LAP3: variants seen among roughly 807,000 people sequenced by gnomAD.
LAP3 encodes leucine aminopeptidase 3, also known as cytosol aminopeptidase.
LAP3 carries 46 observed loss-of-function variants against 58.8 expected under a neutral mutation model. The observed-to-expected ratio is 0.78, with a 90% CI of 0.62 to 1.00. The LOEUF (loss-of-function observed/expected upper bound fraction) is 1.00. Among genes scored for constraint, LAP3 ranks in the 50% least tolerant of loss-of-function variants. LAP3 has a pLI of 0.00. For synonymous variants in LAP3, 257 were observed against 237.7 expected (o/e 1.08, Z -0.75); for missense variants, 615 against 659.1 (o/e 0.93, Z 0.73).
At chr4:17,607,028 T>A in intron 12 of LAP3, 90 bp downstream of exon 12, 1 of 763,154 alleles carries the variant, frequency 1.3e-6, no homozygotes, top group Non-Finnish European at 2.1e-6. Flanking sequence ...TATAAAAGGT[T>A]TAACTATTTA....
At chr4:17,606,776 A>G (rs1714153666) in intron 11 of LAP3, 53 bp from the exon 12 acceptor site, 1 of 1,217,154 alleles carries the variant, frequency 8.2e-7, no homozygotes, top group Non-Finnish European at 1.2e-6. Context: ...AATGCCATGA[A>G]TTTCCCACAA....
In LAP3 at chr4:17,607,894, T is replaced by C; in HGVS notation, c.*305T>C. 4.7e-6 allele frequency: 1 copy of C among 214,542 alleles called. No homozygotes were observed. The highest frequency in any genetic ancestry group is 9.3e-6 in the Non-Finnish European group (1 of 107,950). The allele number at this position is 214,542 out of a possible 1,614,324, so 13.3% of individuals were successfully genotyped here. A position where few individuals can be genotyped will look rare whatever the true frequency, so the allele number is the denominator to read the frequency against. ...TGAGAAGCAAAATTGTAACTCAGAT[T>C]TGTGATGCTAGGAACATGAGCAAAC... is the stretch of plus-strand genomic sequence containing the variant. On this transcript the variant is annotated 3_prime_UTR_variant, in exon 13 of 13. Coordinates refer to ENST00000226299, the MANE Select transcript of LAP3 (RefSeq NM_015907.3).
In LAP3 at chr4:17,595,522, A is replaced by G; in HGVS notation, c.976A>G (p.Ile326Val). Residue 326 changes from isoleucine (I) to valine (V), a missense_variant, in exon 8 of 13, where the codon ATT (isoleucine) becomes GTT (valine). Transcript: ENST00000226299. Reference sequence around the variant, plus strand: ...GTCTGCTGCAAAGCTTAATTTGCCCATTAATATTATAGGTAAGTGGGGTAA... The same window carrying G: ...GTCTGCTGCAAAGCTTAATTTGCCCGTTAATATTATAGGTAAGTGGGGTAA... ...IVSAAKLNLP[I>V]NIIGLAPLCE... 2 of 1,613,922 alleles carry G rather than the reference A, an allele frequency of 1.2e-6. No individual in the cohort carries two copies. Among genetic ancestry groups the G allele is most frequent in the East Asian group, 2.2e-5 (1 of 44,846 alleles).
chr4:17,589,316 C>T (rs560322395), intron 7 of LAP3, among the ~76,000 whole-genome samples: 34 of 152,146 alleles, frequency 2.2e-4, no homozygotes, highest in Non-Finnish European at 4.4e-4. Context: ...CCACCTCAGC[C>T]TCCCAAAATG....
rs189150287 is a variant in LAP3 at position 17,588,945 on chromosome 4, G to A, written c.831G>A (p.Leu277=). ...KGSPNANEPP[L]VFVGKGITFD... is the part of the protein sequence containing the mutation. ...GCCCCAATGCAAACGAACCACCCCT[G>A]GTGTTTGTTGGGAAAGGAATTACCT... is the stretch of plus-strand genomic sequence containing the variant. The change falls in exon 7 of 13, where the codon CTG becomes CTA. Residue 277 remains leucine (L), a synonymous_variant. Transcript: ENST00000226299. The A allele has an allele frequency of 9.3e-6, 15 of 1,613,978 alleles. No individual in the cohort carries two copies. In the East Asian group the frequency reaches 2.0e-4, roughly 22 times the overall value.
rs1019151073 is a variant in LAP3 at position 17,577,352 on chromosome 4, C to G, written c.-114C>G. 56 of 747,078 alleles carry G rather than the reference C, an allele frequency of 7.5e-5. No homozygotes were observed. In the African/African-American group the frequency reaches 7.5e-4, roughly 10 times the overall value. 46.3% of individuals were successfully genotyped at this position (747,078 alleles called of 1,614,324 possible). On this transcript the variant is annotated 5_prime_UTR_variant, in exon 1 of 13. Transcript: ENST00000226299. ...GACGCACGTCCGCTCGCCCGGCGCC[C>G]GAGCCAGTCCGCGCGCACGCCGTCT...
chr4:17,594,523 G>A (rs1713779381), intron 7 of LAP3, among the ~76,000 whole-genome samples: 1 of 152,220 alleles, frequency 6.6e-6, no homozygotes, highest in Admixed American at 6.5e-5. Flanking sequence ...GAAGCCCCTG[G>A]CTCTGTGCTT....
chr4:17,584,151 G>A (rs1320587399), intron 5 of LAP3, among the ~76,000 whole-genome samples: 1 of 152,262 alleles, frequency 6.6e-6, no homozygotes, highest in Non-Finnish European at 1.5e-5. Context: ...GCCAAGGGTT[G>A]GCAGCTGTGG....
chr4:17,586,911 G>C (rs184002158), intron 6 of LAP3, among the ~76,000 whole-genome samples: 65 of 152,312 alleles, frequency 4.3e-4, no homozygotes, highest in African/African-American at 1.5e-3. Flanking sequence ...TTCAAGACCA[G>C]CCTGGCCAAC....
At chr4:17,580,185 T>TATATATATACATATATATATATACA in intron 2 of LAP3, among the ~76,000 whole-genome samples, 1 of 32,076 alleles carries the variant, frequency 3.1e-5, no homozygotes, top group African/African-American at 1.8e-4. Context: ...TATATATGTA[T>TATATATATACATATATATATATACA]TTTTTTTTTT....
rs766733700 is a variant in LAP3 at position 17,579,804 on chromosome 4, C to T, written c.103-20C>T. The T allele has an allele frequency of 3.2e-5, 45 of 1,385,548 alleles. No individual in the cohort carries two copies. In the Middle Eastern group the frequency reaches 5.4e-4, roughly 17 times the overall value. 85.8% of individuals were successfully genotyped at this position (1,385,548 alleles called of 1,614,324 possible). On this transcript the variant is annotated intron_variant, in intron 1 of 12. Coordinates refer to ENST00000226299, the MANE Select transcript of LAP3 (RefSeq NM_015907.3). ...ATCTACTCTAATTCTATTATATTTA[C>T]GTTTTTTGCTTATTCCCAGGGCCTT...
chr4:17,598,688 C>T, intron 10 of LAP3, 130 bp downstream of exon 10: 1 of 645,518 alleles, frequency 1.5e-6, no homozygotes, highest in Non-Finnish European at 2.8e-6. Flanking sequence ...AGATCTTTCA[C>T]CAGAGGAATT....
At chr4:17,580,735 G>A (rs1432648119) in intron 2 of LAP3, among the ~76,000 whole-genome samples, 4 of 152,064 alleles carry the variant, frequency 2.6e-5, no homozygotes, top group Admixed American at 6.5e-5. Flanking sequence ...TAAAATATCT[G>A]TGAATCACCT....
intron 6 of LAP3, among the ~76,000 whole-genome samples, 194 bp from the exon 7 acceptor site, chr4:17,588,625 A>G (rs1475446959): frequency 6.6e-6 from 1 of 152,214 alleles, no homozygotes; most frequent in Non-Finnish European, 1.5e-5. Context: ...AGATGAGGAA[A>G]TAGGCTTAGA....
intron 7 of LAP3, among the ~76,000 whole-genome samples, chr4:17,593,010 G>A (rs903318987): frequency 6.6e-5 from 10 of 152,264 alleles, no homozygotes; most frequent in Admixed American, 5.9e-4. Flanking sequence ...TGTTGGCCAG[G>A]CTGGTCTCAA....
intron 7 of LAP3, among the ~76,000 whole-genome samples, chr4:17,590,068 C>T (rs957819253): frequency 1.8e-4 from 27 of 151,990 alleles, no homozygotes; most frequent in Non-Finnish European, 1.5e-5. Context: ...GGGATGCCAG[C>T]GAGTATGAGA....
At chr4:17,582,486 C>G (rs1713391261) in intron 4 of LAP3, 93 bp downstream of exon 4, 1 of 873,474 alleles carries the variant, frequency 1.1e-6, no homozygotes, top group African/African-American at 1.7e-5. Context: ...AGTTGCCACC[C>G]CTTACCACGT....
intron 11 of LAP3, among the ~76,000 whole-genome samples, chr4:17,606,499 C>T (rs879504079): frequency 2.0e-5 from 3 of 152,072 alleles, no homozygotes; most frequent in African/African-American, 7.2e-5. Context: ...CCACCACGCC[C>T]AGCTAATTTT....
In LAP3 at chr4:17,585,118, A is replaced by G; in HGVS notation, c.686A>G (p.Lys229Arg). 6.2e-7 allele frequency: 1 copy of G among 1,613,656 alleles called. No individual in the cohort carries two copies. Among genetic ancestry groups the G allele is most frequent in the Non-Finnish European group, 8.5e-7 (1 of 1,179,666 alleles). Residue 229 changes from lysine to arginine, a missense_variant, in exon 6 of 13, where the codon AAA becomes AGA. By Grantham distance (26) the Lys-to-Arg change is conservative. Coordinates refer to ENST00000226299, the MANE Select transcript of LAP3 (RefSeq NM_015907.3). ...AAGAATCTCAAAAGTGCTAGTAGTAAAACCGAGGTCCATATCAGGTAATTC... is the reference window on the plus strand; with the variant it reads ...AAGAATCTCAAAAGTGCTAGTAGTAGAACCGAGGTCCATATCAGGTAATTC... ...IEKNLKSASS[K>R]TEVHIRPKSW...
Sources: gnomAD v4.1 joint callset for allele counts (sites outside exome capture counted in the v4.1 genomes callset) on GRCh38, gnomAD v4.1.1 for gene constraint, MANE v1.5 for transcripts, NCBI Gene and HGNC (gene_info 2026-07-23, HGNC 2026-07-21) for gene names.